Variants in NRCAM observed in about 807,000 individuals in gnomAD.
NRCAM encodes NgCAM-related cell adhesion molecule.
Under a neutral mutation model 156.5 loss-of-function variants are expected in NRCAM, and 83 were observed. That is an observed-to-expected ratio of 0.53 (90% CI 0.44 to 0.64). NRCAM has a LOEUF of 0.64. Ranked by LOEUF, NRCAM falls within the 30% of genes least tolerant of loss-of-function variation. The pLI is 0.00. For missense variants in NRCAM, 1,417 were observed against 1,597.3 expected, an observed-to-expected ratio of 0.89 and a Z score of 1.92; for synonymous variants, 538 against 563.9, an observed-to-expected ratio of 0.95 and a Z score of 0.65.
intron 1 of NRCAM, among the ~76,000 whole-genome samples, chr7:108,448,895 C>T (rs374793310): frequency 1.3e-5 from 2 of 152,218 alleles, no homozygotes; most frequent in African/African-American, 4.8e-5. Context: ...AATCTGTGGA[C>T]AACACCACAA....
chr7:108,437,112 G>C (rs1030542456), intron 1 of NRCAM, among the ~76,000 whole-genome samples: 25 of 152,188 alleles, frequency 1.6e-4, no homozygotes, highest in Admixed American at 3.3e-4. Context: ...CCTGTCATTT[G>C]CAACAACATG....
chr7:108,345,325 T>A (rs925504643), intron 2 of NRCAM, among the ~76,000 whole-genome samples: 2 of 152,118 alleles, frequency 1.3e-5, no homozygotes, highest in African/African-American at 4.8e-5. Context: ...AATCTGGCAG[T>A]AAGTTCCCAA....
chr7:108,215,832 T>C lies in NRCAM; in HGVS notation c.891-6227A>G, dbSNP rs1243776688. Among the ~76,000 whole-genome samples, 5 of 151,330 alleles carry C rather than the reference T, an allele frequency of 3.3e-5. No homozygotes were observed. In the South Asian group the frequency reaches 8.6e-4, roughly 26 times the overall value. ...TTGCACATGAGGCTGGTCTCCTGAA[T>C]ACAGCACACTGATGGGTCTTGATTC... On this transcript the variant is annotated intron_variant, in intron 11 of 32. Coordinates refer to ENST00000379028, the MANE Select transcript of NRCAM (RefSeq NM_001037132.4).
chr7:108,443,129 G>C (rs1318937183), intron 1 of NRCAM, among the ~76,000 whole-genome samples: 1 of 152,030 alleles, frequency 6.6e-6, no homozygotes, highest in African/African-American at 2.4e-5. Context: ...TTCATCCCAA[G>C]AATCTTCCTA....
intron 2 of NRCAM, among the ~76,000 whole-genome samples, chr7:108,383,375 C>G (rs2099710480): frequency 6.6e-6 from 1 of 152,202 alleles, no homozygotes; most frequent in Non-Finnish European, 1.5e-5. Flanking sequence ...AAGACAAAAG[C>G]TGTCTTTTCT....
chr7:108,171,340 A>G (rs2152039911), intron 28 of NRCAM, among the ~76,000 whole-genome samples: 1 of 152,320 alleles, frequency 6.6e-6, no homozygotes, highest in East Asian at 1.9e-4. Context: ...ATTCCTTAGC[A>G]AAGCATTCAT....
chr7:108,216,755 A>C (rs1229248407), intron 11 of NRCAM, among the ~76,000 whole-genome samples: 1 of 152,084 alleles, frequency 6.6e-6, no homozygotes, highest in Non-Finnish European at 1.5e-5. Flanking sequence ...TGTGTTTTTC[A>C]GCTCCATCCG....
At chr7:108,184,128 A>ATT (rs36044904) in intron 22 of NRCAM, 113 bp downstream of exon 22, 18,785 of 449,488 alleles carry the variant, frequency 0.042, 399 homozygotes, top group Middle Eastern at 0.088. Flanking sequence ...ATATATATAT[A>ATT]TTTTTTTTCC....
intron 2 of NRCAM, among the ~76,000 whole-genome samples, chr7:108,339,707 A>G (rs778211418): frequency 1.3e-5 from 2 of 152,200 alleles, no homozygotes; most frequent in Non-Finnish European, 2.9e-5. Context: ...CACACTCTGG[A>G]AAGGAATAAG....
At chr7:108,208,172 G>A (rs1047756833) in intron 12 of NRCAM, among the ~76,000 whole-genome samples, 1 of 151,752 alleles carries the variant, frequency 6.6e-6, no homozygotes, top group Admixed American at 6.6e-5. Context: ...CAGGTGTGGT[G>A]GTGGGCACCT....
chr7:108,224,181 T>C (rs2092979595), intron 10 of NRCAM, among the ~76,000 whole-genome samples: 1 of 152,170 alleles, frequency 6.6e-6, no homozygotes. Flanking sequence ...GTTATCAAAC[T>C]ACATTTCCCT....
rs909060772 is a variant in NRCAM at position 108,147,726 on chromosome 7, T to A, written c.*2184A>T. On this transcript the variant is annotated 3_prime_UTR_variant, in exon 33 of 33. Transcript: ENST00000379028. ...TTGCCTGTACCATTACATACACCAT[T>A]ACTTGGACATTCACACTCAATTGGG... 5.2e-5 allele frequency: 8 copies of A among 152,440 alleles called. No individual in the cohort carries two copies. The highest frequency in any genetic ancestry group is 1.9e-4 in the African/African-American group (8 of 41,446). 9.4% of individuals were successfully genotyped at this position (152,440 alleles called of 1,614,324 possible).
chr7:108,363,965 G>A (rs1386471563), intron 2 of NRCAM, among the ~76,000 whole-genome samples: 2 of 151,822 alleles, frequency 1.3e-5, no homozygotes, highest in Non-Finnish European at 2.9e-5. Context: ...TCCTGGGACA[G>A]AAGAAAAAAA....
At chr7:108,455,446 T>C (rs1231822038) in intron 1 of NRCAM, among the ~76,000 whole-genome samples, 1 of 152,022 alleles carries the variant, frequency 6.6e-6, no homozygotes, top group Non-Finnish European at 1.5e-5. Context: ...GGGAAAGCAA[T>C]CTTTCCAGGC....
chr7:108,378,632 AACACACACACACACACACACACACACAC>A (rs3077977), intron 2 of NRCAM, among the ~76,000 whole-genome samples: 10 of 115,978 alleles, frequency 8.6e-5, no homozygotes, highest in South Asian at 6.1e-4. Context: ...AGCAGGATTC[AACACACACACACACACACACACACACAC>A]ACACACACAC....
chr7:108,180,484 T>C (rs2062841930), intron 24 of NRCAM, 57 bp from the exon 25 acceptor site: 1 of 1,394,986 alleles, frequency 7.2e-7, no homozygotes, highest in Non-Finnish European at 1.0e-6. Flanking sequence ...AGATTCCTTA[T>C]GCTCACAAAA....
chr7:108,169,181 C>A (rs1355574857), intron 28 of NRCAM, among the ~76,000 whole-genome samples: 1 of 152,196 alleles, frequency 6.6e-6, no homozygotes, highest in Non-Finnish European at 1.5e-5. Context: ...TAAATAGCTT[C>A]TTAAAAATCC....
chr7:108,265,771 A>G (rs980997819), intron 3 of NRCAM, among the ~76,000 whole-genome samples: 2 of 152,210 alleles, frequency 1.3e-5, no homozygotes, highest in African/African-American at 4.8e-5. Context: ...GAATTCACAA[A>G]AAACTGTGCA....
At chr7:108,281,215 A>G (rs2097847526) in intron 3 of NRCAM, among the ~76,000 whole-genome samples, 1 of 152,172 alleles carries the variant, frequency 6.6e-6, no homozygotes, top group South Asian at 2.1e-4. Context: ...CTTGTCTTCA[A>G]TTATATAGTT....
Sources: gnomAD v4.1 joint callset for allele counts (sites outside exome capture counted in the v4.1 genomes callset) on GRCh38, gnomAD v4.1.1 for gene constraint, MANE v1.5 for transcripts, NCBI Gene and HGNC (gene_info 2026-07-23, HGNC 2026-07-21) for gene names.